LIN28B: variants seen among roughly 807,000 people sequenced by gnomAD.
LIN28B encodes lin-28 RNA binding posttranscriptional regulator B.
A neutral mutation model predicts 21.9 loss-of-function variants in LIN28B; 5 were observed. The observed-to-expected ratio is 0.23, with a 90% confidence interval of 0.12 to 0.48. The LOEUF is 0.48. LIN28B is among the 20% of genes least tolerant of loss of function. The pLI, the probability that LIN28B is intolerant of heterozygous loss-of-function variation, is 0.98. For synonymous variants in LIN28B, 109 were observed against 111.3 expected, an observed-to-expected ratio of 0.98 and a Z score of 0.13; for missense variants, 245 against 310.5, an observed-to-expected ratio of 0.79 and a Z score of 1.58.
intron 3 of LIN28B, among the ~76,000 whole-genome samples, chr6:105,064,128 G>T (rs955742205): frequency 6.6e-6 from 1 of 152,098 alleles, no homozygotes; most frequent in Non-Finnish European, 1.5e-5. Context: ...TAGTGGCTCT[G>T]TGGTGCATAT....
intron 2 of LIN28B, among the ~76,000 whole-genome samples, chr6:105,004,132 T>C (rs1180547602): frequency 6.6e-6 from 1 of 152,122 alleles, no homozygotes; most frequent in East Asian, 1.9e-4. Flanking sequence ...GTCTAGTCTT[T>C]TCACATTTTT....
intron 3 of LIN28B, among the ~76,000 whole-genome samples, chr6:105,070,871 A>ACATT (rs753016983): frequency 1.5e-3 from 228 of 152,184 alleles, no homozygotes; most frequent in Admixed American, 0.012. Flanking sequence ...AGTGGTTTTT[A>ACATT]CATTCATTCA....
At chr6:105,058,181 T>G in intron 3 of LIN28B, 1 of 284,474 alleles carries the variant, frequency 3.5e-6, no homozygotes. Flanking sequence ...TAAAAAGAAA[T>G]TCTCAGCTTG....
chr6:105,026,756 T>C (rs1444573482), intron 3 of LIN28B, among the ~76,000 whole-genome samples: 1 of 152,116 alleles, frequency 6.6e-6, no homozygotes, highest in Non-Finnish European at 1.5e-5. Flanking sequence ...AAGTTCCCAA[T>C]AGATAGAGGT....
At chr6:105,067,367 T>C (rs1457444129) in intron 3 of LIN28B, among the ~76,000 whole-genome samples, 1 of 152,190 alleles carries the variant, frequency 6.6e-6, no homozygotes, top group East Asian at 1.9e-4. Context: ...CAAAAATGCA[T>C]GTGGCTTTTA....
chr6:104,990,265 G>T (rs1262621087), intron 2 of LIN28B, among the ~76,000 whole-genome samples: 1 of 150,996 alleles, frequency 6.6e-6, no homozygotes, highest in African/African-American at 2.4e-5. Flanking sequence ...CATTTGAAAA[G>T]AATGTATATT....
At chr6:105,040,304 T>G (rs1464280946) in intron 3 of LIN28B, among the ~76,000 whole-genome samples, 2 of 152,106 alleles carry the variant, frequency 1.3e-5, no homozygotes, top group East Asian at 1.9e-4. Flanking sequence ...TTGTGTACTT[T>G]CCTCTTTAAG....
chr6:105,037,877 T>C (rs1771556961), intron 3 of LIN28B, among the ~76,000 whole-genome samples: 1 of 152,104 alleles, frequency 6.6e-6, no homozygotes, highest in South Asian at 2.1e-4. Flanking sequence ...AGGATTACCT[T>C]ATTTATATTA....
upstream of LIN28B, among the ~76,000 whole-genome samples, chr6:104,953,969 A>G (rs1372304668): frequency 2.0e-5 from 3 of 152,206 alleles, no homozygotes; most frequent in African/African-American, 7.2e-5. Flanking sequence ...ACTGTTGGAA[A>G]AAAAGTCTGG....
At chr6:105,053,675 A>G (rs942024237) in intron 3 of LIN28B, among the ~76,000 whole-genome samples, 1 of 143,306 alleles carries the variant, frequency 7.0e-6, no homozygotes, top group Non-Finnish European at 1.5e-5. Flanking sequence ...TAGCCACACC[A>G]ACTTTTTTAT....
intron 2 of LIN28B, among the ~76,000 whole-genome samples, chr6:104,942,048 GT>G (rs1170038172): frequency 6.6e-6 from 1 of 152,134 alleles, no homozygotes; most frequent in Non-Finnish European, 1.5e-5. Flanking sequence ...TTCTTTGTGG[GT>G]TTGTTTTCAT....
At chr6:105,011,799 C>T (rs1215942869) in intron 2 of LIN28B, among the ~76,000 whole-genome samples, 2 of 152,032 alleles carry the variant, frequency 1.3e-5, no homozygotes, top group Middle Eastern at 3.4e-3. Flanking sequence ...TAGCTGAGAT[C>T]GTGCCATTGC....
intron 2 of LIN28B, among the ~76,000 whole-genome samples, chr6:104,981,863 A>G (rs752172732): frequency 6.6e-5 from 10 of 152,228 alleles, no homozygotes; most frequent in Non-Finnish European, 1.3e-4. Flanking sequence ...TCATTAGGTC[A>G]TGAACAAGTT....
chr6:104,956,899 C>A, upstream of LIN28B: 1 of 334,020 alleles, frequency 3.0e-6, no homozygotes, highest in South Asian at 4.5e-5. Flanking sequence ...AGAAGCGTTC[C>A]AAATTGTCTT....
At chr6:104,990,805 G>T (rs370827454) in intron 2 of LIN28B, among the ~76,000 whole-genome samples, 3 of 151,872 alleles carry the variant, frequency 2.0e-5, no homozygotes, top group Non-Finnish European at 2.9e-5. Context: ...TTAACAAAGC[G>T]CATCTTGCAC....
chr6:105,027,806 G>A (rs1471456541), intron 3 of LIN28B, among the ~76,000 whole-genome samples: 1 of 151,966 alleles, frequency 6.6e-6, no homozygotes, highest in Non-Finnish European at 1.5e-5. Flanking sequence ...TGCTTTTGAA[G>A]AAAGAACTGT....
At chr6:104,994,073 C>T (rs988889389) in intron 2 of LIN28B, among the ~76,000 whole-genome samples, 20 of 152,180 alleles carry the variant, frequency 1.3e-4, no homozygotes, top group African/African-American at 4.3e-4. Flanking sequence ...GGCGCAATCT[C>T]GGCTCACTGC....
chr6:105,001,839 C>T (rs1177391819), intron 2 of LIN28B, among the ~76,000 whole-genome samples: 1 of 152,174 alleles, frequency 6.6e-6, no homozygotes, highest in African/African-American at 2.4e-5. Flanking sequence ...AACTCGATCT[C>T]TAGCTGGAAG....
At chr6:105,015,282 C>A (rs1448311298) in intron 2 of LIN28B, among the ~76,000 whole-genome samples, 2 of 151,736 alleles carry the variant, frequency 1.3e-5, no homozygotes, top group Non-Finnish European at 2.9e-5. Context: ...ATGAAATGTC[C>A]TTCTTTATTT....
Sources: allele counts gnomAD v4.1 joint callset (sites outside exome capture counted in the v4.1 genomes callset), GRCh38; gene constraint gnomAD v4.1.1; transcripts MANE v1.5; gene names NCBI Gene and HGNC (gene_info 2026-07-23, HGNC 2026-07-21).